LMOD1: variants seen among roughly 807,000 people sequenced by gnomAD.
The protein encoded by LMOD1 is leiomodin-1.
Under a neutral mutation model 36.5 loss-of-function variants are expected in LMOD1, and 8 were observed. The ratio of observed to expected loss-of-function variants is 0.22; its 90% CI spans 0.13 to 0.40. LMOD1 has a LOEUF of 0.40. Ranked by LOEUF, LMOD1 falls within the 10% of genes least tolerant of loss-of-function variation. The pLI is 1.00. For missense variants in LMOD1, 630 were observed against 751.1 expected (o/e 0.84, Z 1.88); for synonymous variants, 284 against 288.7 (o/e 0.98, Z 0.17).
chr1:201,936,079 C>A (rs1417829960), intron 1 of LMOD1, among the ~76,000 whole-genome samples: 1 of 143,036 alleles, frequency 7.0e-6, no homozygotes, highest in African/African-American at 2.7e-5. Flanking sequence ...CACACCATTG[C>A]ACTCCAGACC....
intron 1 of LMOD1, among the ~76,000 whole-genome samples, chr1:201,907,438 A>G (rs374000588): frequency 2.6e-5 from 4 of 152,140 alleles, no homozygotes; most frequent in South Asian, 2.1e-4. Context: ...TAGGGCCCCA[A>G]CCTCCTCCTA....
At position 201,899,427 on chromosome 1, in the gene LMOD1, C is replaced by T. The variant is rs551380425; in HGVS notation, c.1586G>A (p.Gly529Asp). The stretch of plus-strand genomic sequence containing the variant: ...AGGGGGTGGTGGGGCAGCTGGAGCA[C>T]CCCCTTTTTTGGGTGAGTTCTTTGG... ...PSPKNSPKKG[G>D]APAAPPPPPP... is the part of the protein sequence containing the mutation. The change falls in exon 2 of 3, where the codon GGT (glycine) becomes GAT (aspartate). Residue 529 changes from glycine to aspartate, a missense_variant. Transcript: ENST00000367288. The surrounding 1 kb of genome is among the most constrained non-coding windows in gnomAD (Gnocchi z 6.3). 302 of 1,613,614 alleles carry T rather than the reference C, an allele frequency of 1.9e-4. 1 individual carries two copies. In the Admixed American group the frequency reaches 5.0e-3, roughly 27 times the overall value.
intron 1 of LMOD1, among the ~76,000 whole-genome samples, chr1:201,926,106 A>T (rs1189996856): frequency 6.6e-6 from 1 of 152,122 alleles, no homozygotes; most frequent in Admixed American, 6.6e-5. Context: ...AAACCGACAC[A>T]TTTCCCCACA....
chr1:201,943,918 A>T (rs1682161417), intron 1 of LMOD1, among the ~76,000 whole-genome samples: 1 of 152,172 alleles, frequency 6.6e-6, no homozygotes, highest in Non-Finnish European at 1.5e-5. Flanking sequence ...CTTAAATCCA[A>T]GTTCTTGGCC....
intron 1 of LMOD1, among the ~76,000 whole-genome samples, chr1:201,943,816 T>C (rs938028104): frequency 6.6e-6 from 1 of 152,168 alleles, no homozygotes; most frequent in Admixed American, 6.5e-5. Flanking sequence ...GGTACTACTA[T>C]CCATATTTTG....
chr1:201,943,393 T>G (rs1682152687), intron 1 of LMOD1, among the ~76,000 whole-genome samples: 1 of 152,248 alleles, frequency 6.6e-6, no homozygotes, highest in Admixed American at 6.5e-5. Flanking sequence ...TAAATGCTCA[T>G]CTTGCTTTAC....
chr1:201,901,552 A>ATATATG (rs1681309985), intron 1 of LMOD1, among the ~76,000 whole-genome samples: 1 of 46,728 alleles, frequency 2.1e-5, no homozygotes, highest in African/African-American at 9.6e-5. Flanking sequence ...ATATATATAT[A>ATATATG]CATATATATA....
rs763740590 is a variant in LMOD1, at chr1:201,900,519, G to C, written c.494C>G (p.Ala165Gly). The C allele has an allele frequency of 6.2e-7, 1 of 1,613,416 alleles. No individual in the cohort carries two copies. The highest frequency in any genetic ancestry group is 1.3e-5 in the African/African-American group (1 of 74,740). ...CCCTGCCTCCTTCTTATCCACTGCA[G>C]CCCTGACCCGGCCCTTGTCAATGCC... The part of the protein sequence containing the change: ...IRGIDKGRVR[A>G]AVDKKEAGKD... The change falls in exon 2 of 3, where the codon GCT becomes GGT. Residue 165 changes from alanine (A) to glycine (G), a missense_variant. Physicochemically the swap from Ala to Gly is moderately conservative, Grantham distance 60 (BLOSUM62 0). Coordinates refer to ENST00000367288, the MANE Select transcript of LMOD1 (RefSeq NM_012134.3).
At chr1:201,923,908 GGAGAGAGA>G (rs557889560) in intron 1 of LMOD1, among the ~76,000 whole-genome samples, 2 of 124,264 alleles carry the variant, frequency 1.6e-5, no homozygotes, top group Non-Finnish European at 3.3e-5. Flanking sequence ...AGAGAGGGAG[GGAGAGAGA>G]GAGAGAGAGA....
intron 1 of LMOD1, among the ~76,000 whole-genome samples, chr1:201,907,641 C>T (rs754390222): frequency 6.6e-6 from 1 of 151,884 alleles, no homozygotes; most frequent in Admixed American, 6.6e-5. Context: ...CTCCCCCAAA[C>T]CCACCCCAGT....
intron 1 of LMOD1, among the ~76,000 whole-genome samples, chr1:201,908,728 C>T (rs547825248): frequency 2.6e-5 from 4 of 152,240 alleles, no homozygotes; most frequent in African/African-American, 4.8e-5. Flanking sequence ...GTTTACACAC[C>T]GCAGGTACTC....
At position 201,900,385 on chromosome 1, in the gene LMOD1, CCT is replaced by C; in HGVS notation, c.626_627del (p.Glu209GlyfsTer11). The part of the protein sequence containing the change: ...GLSRDKDKKR[E>X]EMKEVAKKED... ...TCTTTCTTGGCCACCTCCTTCATCTCCTCTCTCTTTTTATCCTTGTCCCTGCT... is the reference window on the plus strand; with the variant it reads ...TCTTTCTTGGCCACCTCCTTCATCTCCTCTCTTTTTATCCTTGTCCCTGCT... On this transcript the variant is annotated frameshift_variant, in exon 2 of 3. Coordinates refer to ENST00000367288, the MANE Select transcript of LMOD1 (RefSeq NM_012134.3). LOFTEE classifies it high-confidence loss of function. 1 of 1,562,234 alleles carries C rather than the reference CCT, an allele frequency of 6.4e-7. No individual in the cohort carries two copies.
intron 1 of LMOD1, among the ~76,000 whole-genome samples, chr1:201,906,064 T>C (rs1349147613): frequency 6.6e-6 from 1 of 152,198 alleles, no homozygotes; most frequent in African/African-American, 2.4e-5. Context: ...CTCGAGCTCC[T>C]GGCTGAGGGT....
intron 1 of LMOD1, among the ~76,000 whole-genome samples, chr1:201,926,103 C>A (rs1425939973): frequency 6.6e-6 from 1 of 152,176 alleles, no homozygotes; most frequent in East Asian, 1.9e-4. Context: ...TACAAACCGA[C>A]ACATTTCCCC....
chr1:201,906,529 C>T (rs550050537), intron 1 of LMOD1, among the ~76,000 whole-genome samples: 2 of 152,284 alleles, frequency 1.3e-5, no homozygotes, highest in African/African-American at 4.8e-5. Context: ...GAAGAGCTGA[C>T]TATGGGCTGG....
intron 1 of LMOD1, among the ~76,000 whole-genome samples, chr1:201,939,820 T>C (rs1682083930): frequency 6.6e-6 from 1 of 152,104 alleles, no homozygotes; most frequent in Non-Finnish European, 1.5e-5. Context: ...TATCTCTTGG[T>C]GTGCTTCATT....
At chr1:201,928,708 T>C (rs1681868766) in intron 1 of LMOD1, among the ~76,000 whole-genome samples, 1 of 152,202 alleles carries the variant, frequency 6.6e-6, no homozygotes, top group Non-Finnish European at 1.5e-5. Flanking sequence ...GAGCAAATTA[T>C]CAGCAAAAAT....
chr1:201,938,329 A>G (rs1682051469), intron 1 of LMOD1, among the ~76,000 whole-genome samples: 1 of 151,916 alleles, frequency 6.6e-6, no homozygotes, highest in Admixed American at 6.6e-5. Context: ...GGGTTTCTCT[A>G]TGGTAGTCAG....
At chr1:201,927,740 G>T (rs187336064) in intron 1 of LMOD1, among the ~76,000 whole-genome samples, 5 of 152,268 alleles carry the variant, frequency 3.3e-5, no homozygotes, top group Admixed American at 6.5e-5. Context: ...GCAAAATGGC[G>T]CAATGTCAGC....
Sources: gnomAD v4.1 joint callset for allele counts (sites outside exome capture counted in the v4.1 genomes callset) on GRCh38, gnomAD v4.1.1 for gene constraint, Gnocchi (gnomAD v3.1) non-coding constraint, MANE v1.5 for transcripts, NCBI Gene and HGNC (gene_info 2026-07-23, HGNC 2026-07-21) for gene names.